The following ZP1 variants were observed in gnomAD, a reference collection of about 807,000 sequenced individuals.
ZP1 encodes zona pellucida sperm-binding protein 1.
ZP1 carries 58 observed loss-of-function variants against 67.4 expected under a neutral mutation model. The ratio of observed to expected loss-of-function variants is 0.86; its 90% CI spans 0.70 to 1.07. ZP1 has a LOEUF of 1.07. Ranked by LOEUF, ZP1 falls within the 50% of genes least tolerant of loss-of-function variation. The pLI is 0.00. For missense variants in ZP1, 759 were observed against 807.3 expected, an observed-to-expected ratio of 0.94 and a Z score of 0.72; for synonymous variants, 333 against 332.7, an observed-to-expected ratio of 1.00 and a Z score of -0.01.
At chr11:60,874,259 CTGT>C (rs1371880212) in intron 9 of ZP1, among the ~76,000 whole-genome samples, 2 of 152,184 alleles carry the variant, frequency 1.3e-5, no homozygotes, top group Admixed American at 1.3e-4. Flanking sequence ...AAATCACTGC[CTGT>C]TATTATGTCA....
chr11:60,873,113 TG>T, intron 6 of ZP1, 48 bp from the exon 7 acceptor site: 3 of 1,514,956 alleles, frequency 2.0e-6, no homozygotes, highest in Non-Finnish European at 8.8e-7. Context: ...GTAAACAGGA[TG>T]CTCTGATTCT....
intron 4 of ZP1, 28 bp from the exon 5 acceptor site, chr11:60,870,929 C>G: frequency 6.3e-7 from 1 of 1,597,914 alleles, no homozygotes; most frequent in Non-Finnish European, 8.5e-7. Flanking sequence ...ACACCAAACC[C>G]CAAGGCCCTC....
intron 1 of ZP1, among the ~76,000 whole-genome samples, chr11:60,868,067 T>C (rs1855503312): frequency 1.4e-5 from 2 of 146,288 alleles, no homozygotes; most frequent in Non-Finnish European, 3.0e-5. Flanking sequence ...TGAGACAGTC[T>C]CACTTCTTTC....
intron 1 of ZP1, among the ~76,000 whole-genome samples, chr11:60,868,070 C>A (rs1218194191): frequency 1.4e-5 from 2 of 145,632 alleles, no homozygotes; most frequent in Non-Finnish European, 3.0e-5. Flanking sequence ...GACAGTCTCA[C>A]TTCTTTCAAT....
chr11:60,874,781 G>C, intron 9 of ZP1, 152 bp from the exon 10 acceptor site: 1 of 687,920 alleles, frequency 1.5e-6, no homozygotes, highest in South Asian at 1.7e-5. Flanking sequence ...ATGGGCAGCA[G>C]TCATCATCTT....
At chr11:60,873,111 G>A in intron 6 of ZP1, 51 bp from the exon 7 acceptor site, 1 of 1,514,174 alleles carries the variant, frequency 6.6e-7, no homozygotes, top group Non-Finnish European at 8.9e-7. Context: ...ACGTAAACAG[G>A]ATGCTCTGAT....
At chr11:60,870,569 C>T (rs1590592029) in intron 4 of ZP1, 94 bp downstream of exon 4, 1 of 1,492,228 alleles carries the variant, frequency 6.7e-7, no homozygotes, top group East Asian at 2.3e-5. Flanking sequence ...GCTTCCTATC[C>T]TCCTCCTGGA....
intron 3 of ZP1, 102 bp downstream of exon 3, chr11:60,870,002 G>T (rs1590591489): frequency 9.5e-6 from 13 of 1,374,696 alleles, no homozygotes; most frequent in Admixed American, 2.8e-5. Context: ...TTCTTTTTTT[G>T]TTTTTTTCTT....
chr11:60,873,693 C>T lies in ZP1; in HGVS notation c.1490C>T (p.Pro497Leu), dbSNP rs145047478. The T allele has an allele frequency of 1.1e-5, 17 of 1,614,202 alleles. No individual in the cohort carries two copies. Among genetic ancestry groups the T allele is most frequent in the Middle Eastern group, 1.6e-4 (1 of 6,062 alleles). Residue 497 changes from proline to leucine, a missense_variant, in exon 9 of 12, where the codon CCT (proline) becomes CTT (leucine). Physicochemically the swap from Pro to Leu is moderately conservative, Grantham distance 98. Transcript: ENST00000278853. ...ATGGTAGCCTTGGACGGGGCCACAC[C>T]TTTCCAGTCGCACTACCAGCGATTC... ...TQMVALDGAT[P>L]FQSHYQRFTV...
Position 60,873,417 on chromosome 11 carries a change from T to C in ZP1, c.1283T>C (p.Ile428Thr), listed in dbSNP as rs772726265. ...TACTATGGGGAGGATGACTATCCCATCGTGAGGCTGCTCCGAGAACCAGTC... is the reference window on the plus strand; with the variant it reads ...TACTATGGGGAGGATGACTATCCCACCGTGAGGCTGCTCCGAGAACCAGTC... ...SSYYGEDDYP[I>T]VRLLREPVHV... Residue 428 changes from isoleucine to threonine, a missense_variant, in exon 8 of 12, where the codon ATC becomes ACC. Transcript: ENST00000278853. 3.1e-6 allele frequency: 5 copies of C among 1,612,436 alleles called. No individual in the cohort carries two copies. The highest frequency in any genetic ancestry group is 4.2e-6 in the Non-Finnish European group (5 of 1,178,720).
intron 6 of ZP1, 185 bp from the exon 7 acceptor site, chr11:60,872,977 G>A (rs1590594089): frequency 3.2e-6 from 2 of 622,658 alleles, no homozygotes; most frequent in African/African-American, 1.8e-5. Context: ...GTGGGCAGAG[G>A]AATGGGCAGG....
At position 60,875,661 on chromosome 11, in the gene ZP1, G is replaced by A; in HGVS notation, c.*5G>A. On this transcript the variant is annotated 3_prime_UTR_variant, in exon 12 of 12. Coordinates refer to ENST00000278853, the MANE Select transcript of ZP1 (RefSeq NM_207341.4). ...TGGGAAAGCAACAGACAGTGAATGG[G>A]CCCAATAAACAATCATTTCAAACCT... 6.2e-7 allele frequency: 1 copy of A among 1,613,272 alleles called. No individual in the cohort carries two copies. The highest frequency in any genetic ancestry group is 8.5e-7 in the Non-Finnish European group (1 of 1,179,724).
Position 60,871,286 on chromosome 11 carries a change from G to C in ZP1, c.1084G>C (p.Gly362Arg). 1 of 1,613,960 alleles carries C rather than the reference G, an allele frequency of 6.2e-7. No homozygotes were observed. The highest frequency in any genetic ancestry group is 1.1e-5 in the South Asian group (1 of 91,086). ...SGIHIQKGPQ[G>R]SITRDSTFQL... ...CATCCACATCCAAAAGGGGCCACAG[G>C]GTTCCATCACGCGGGACAGCACCTT... is the stretch of plus-strand genomic sequence containing the variant. Residue 362 changes from glycine (G) to arginine (R), a missense_variant, in exon 6 of 12, where the codon GGT (glycine) becomes CGT (arginine). Coordinates refer to ENST00000278853, the MANE Select transcript of ZP1 (RefSeq NM_207341.4).
chr11:60,874,146 TA>T (rs1300477950), intron 9 of ZP1, among the ~76,000 whole-genome samples: 5 of 152,246 alleles, frequency 3.3e-5, no homozygotes, highest in Non-Finnish European at 4.4e-5. Flanking sequence ...AGGGTATATT[TA>T]GGTCTCCTAT....
intron 9 of ZP1, among the ~76,000 whole-genome samples, chr11:60,874,325 C>T (rs73491073): frequency 0.038 from 5,729 of 152,276 alleles, 326 homozygotes; most frequent in African/African-American, 0.13. Context: ...TCGTTCTCAT[C>T]TCTGCTGTGT....
In ZP1 at chr11:60,870,988, C is replaced by T. The variant is rs10897122; in HGVS notation, c.858C>T (p.Phe286=). ...TCCAGTGCTTCAGAGATGGCTACTT[C>T]GTCCTCGTGGTGTCCCAAGAAATGG... The part of the protein sequence containing the change: ...ATVQCFRDGY[F]VLVVSQEMAL... The change falls in exon 5 of 12, where the codon TTC becomes TTT. Residue 286 remains phenylalanine (F), a synonymous_variant. Coordinates refer to ENST00000278853, the MANE Select transcript of ZP1 (RefSeq NM_207341.4). The T allele has an allele frequency of 0.25, 404,338 of 1,613,872 alleles. 57,741 individuals are homozygous for T. Among genetic ancestry groups the T allele is most frequent in the East Asian group, 0.65 (29,011 of 44,864 alleles).
intron 3 of ZP1, 70 bp downstream of exon 3, chr11:60,869,970 C>T: frequency 6.8e-7 from 1 of 1,476,162 alleles, no homozygotes; most frequent in Non-Finnish European, 9.0e-7. Flanking sequence ...GCCTAACAGC[C>T]TTTTACTGGG....
At position 60,869,660 on chromosome 11, in the gene ZP1, C is replaced by T; in HGVS notation, c.442C>T (p.Leu148=). The T allele has an allele frequency of 1.9e-6, 3 of 1,614,202 alleles. No individual in the cohort carries two copies. The highest frequency in any genetic ancestry group is 1.7e-5 in the Admixed American group (1 of 60,030). Residue 148 remains leucine (L), a synonymous_variant, in exon 3 of 12, where the codon CTG becomes TTG. Coordinates refer to ENST00000278853, the MANE Select transcript of ZP1 (RefSeq NM_207341.4). The part of the protein sequence containing the change: ...PDPSRTLDSQ[L]APPAMFSVST... The stretch of plus-strand genomic sequence containing the variant: ...CCCCTCCCGGACTCTGGACTCCCAG[C>T]TGGCACCACCCGCCATGTTCTCTGT...
Position 60,871,332 on chromosome 11 carries a change from C to A in ZP1, c.1112+18C>A, listed in dbSNP as rs1307574447. 18 of 1,612,464 alleles carry A rather than the reference C, an allele frequency of 1.1e-5. No homozygotes were observed. Among genetic ancestry groups the A allele is most frequent in the Non-Finnish European group, 1.3e-5 (15 of 1,179,684 alleles). On this transcript the variant is annotated intron_variant, in intron 6 of 11. Transcript: ENST00000278853. Reference sequence around the variant, plus strand: ...ACCTTCCAGTAAGGGCAGCCCTCCTCCTACAGGCGTGGCTGTGTGCTAGGG... The same window carrying A: ...ACCTTCCAGTAAGGGCAGCCCTCCTACTACAGGCGTGGCTGTGTGCTAGGG...
Sources: gnomAD v4.1 joint callset for allele counts (sites outside exome capture counted in the v4.1 genomes callset) on GRCh38, gnomAD v4.1.1 for gene constraint, MANE v1.5 for transcripts, NCBI Gene and HGNC (gene_info 2026-07-23, HGNC 2026-07-21) for gene names.